SLC24A2: variants seen among roughly 807,000 people sequenced by gnomAD.
SLC24A2 encodes the protein solute carrier family 24 member 2.
A neutral mutation model predicts 62.0 loss-of-function variants in SLC24A2; 36 were observed. The observed-to-expected ratio is 0.58, with a 90% CI of 0.44 to 0.77. SLC24A2 has a LOEUF of 0.77. Among genes scored for constraint, SLC24A2 ranks in the 30% least tolerant of loss-of-function variants. The pLI is 0.00. For synonymous variants in SLC24A2, 358 were observed against 294.0 expected (o/e 1.22, Z -2.23); for missense variants, 846 against 817.9 (o/e 1.03, Z -0.42).
At chr9:19,838,560 A>G in the SLC24A2 span, among the ~76,000 whole-genome samples, 1 of 151,752 alleles carries the variant, frequency 6.6e-6, no homozygotes, top group Non-Finnish European at 1.5e-5. Flanking sequence ...AATTGCTTGA[A>G]CTTGGGAGGC....
chr9:20,001,669 A>G, the SLC24A2 span, among the ~76,000 whole-genome samples: 1 of 152,100 alleles, frequency 6.6e-6, no homozygotes, highest in African/African-American at 2.4e-5. Flanking sequence ...TTGCCACATC[A>G]CCAAAGAGGT....
chr9:20,160,356 A>G, the SLC24A2 span, among the ~76,000 whole-genome samples: 1 of 151,468 alleles, frequency 6.6e-6, no homozygotes, highest in African/African-American at 2.4e-5. Flanking sequence ...AGACTTTAAC[A>G]TACTACTCTC....
At chr9:19,564,794 G>A (rs1003010993) in intron 7 of SLC24A2, among the ~76,000 whole-genome samples, 4 of 152,166 alleles carry the variant, frequency 2.6e-5, no homozygotes, top group African/African-American at 7.2e-5. Context: ...TAAGGAATTT[G>A]CAAGTCTCTC....
the SLC24A2 span, among the ~76,000 whole-genome samples, chr9:20,188,409 T>C: frequency 9.9e-5 from 15 of 152,262 alleles, no homozygotes; most frequent in East Asian, 1.7e-3. Context: ...TTAGGGATCA[T>C]TGCAGGAGCC....
the SLC24A2 span, among the ~76,000 whole-genome samples, chr9:20,090,169 G>T: frequency 6.6e-6 from 1 of 151,994 alleles, no homozygotes; most frequent in East Asian, 1.9e-4. Context: ...TACCAGGGAG[G>T]GAACCCCTGG....
intron 4 of SLC24A2, among the ~76,000 whole-genome samples, chr9:19,617,991 T>C (rs1817813216): frequency 6.6e-6 from 1 of 152,208 alleles, no homozygotes; most frequent in African/African-American, 2.4e-5. Flanking sequence ...GAGCAGTAGA[T>C]ACATTTGAGA....
At chr9:20,091,075 G>T in the SLC24A2 span, among the ~76,000 whole-genome samples, 1 of 151,268 alleles carries the variant, frequency 6.6e-6, no homozygotes, top group Admixed American at 6.6e-5. Flanking sequence ...AATATTAATA[G>T]CAGGATAGAC....
At chr9:20,049,822 G>C in the SLC24A2 span, among the ~76,000 whole-genome samples, 37,622 of 151,940 alleles carry the variant, frequency 0.25, 4,916 homozygotes, top group Middle Eastern at 0.33. Context: ...GTAGAAGCTA[G>C]AAACGCACTG....
chr9:19,820,599 G>C, the SLC24A2 span, among the ~76,000 whole-genome samples: 1 of 151,694 alleles, frequency 6.6e-6, no homozygotes, highest in African/African-American at 2.4e-5. Flanking sequence ...ATTTGTAATA[G>C]AAAAACTTTA....
chr9:19,538,748 T>C (rs1834097915), intron 8 of SLC24A2, among the ~76,000 whole-genome samples: 1 of 133,010 alleles, frequency 7.5e-6, no homozygotes. Context: ...TCCCTCTTTT[T>C]CTATTGATTG....
chr9:20,281,236 T>C, the SLC24A2 span, among the ~76,000 whole-genome samples: 2 of 152,204 alleles, frequency 1.3e-5, no homozygotes, highest in African/African-American at 2.4e-5. Context: ...AGCCCAAGCA[T>C]GAAGTTTTTA....
intron 2 of SLC24A2, among the ~76,000 whole-genome samples, chr9:19,645,097 G>T (rs1818604984): frequency 1.3e-5 from 2 of 152,120 alleles, no homozygotes; most frequent in South Asian, 4.1e-4. Flanking sequence ...CTGGTGAAAA[G>T]AATGGTTTAA....
At chr9:19,918,860 C>T in the SLC24A2 span, among the ~76,000 whole-genome samples, 3 of 152,128 alleles carry the variant, frequency 2.0e-5, no homozygotes, top group African/African-American at 7.2e-5. Context: ...TAGGAAACCA[C>T]CAAACGCCTA....
the SLC24A2 span, among the ~76,000 whole-genome samples, chr9:20,276,959 T>C: frequency 6.6e-6 from 1 of 152,194 alleles, no homozygotes; most frequent in South Asian, 2.1e-4. Flanking sequence ...AAACCATTTT[T>C]TCCTCCTAGG....
intron 4 of SLC24A2, among the ~76,000 whole-genome samples, chr9:19,610,329 G>A (rs1414973215): frequency 6.6e-6 from 1 of 152,134 alleles, no homozygotes; most frequent in Non-Finnish European, 1.5e-5. Flanking sequence ...TGAGGTGGAT[G>A]TTATTTTACA....
chr9:19,859,580 A>G, the SLC24A2 span, among the ~76,000 whole-genome samples: 4 of 152,356 alleles, frequency 2.6e-5, no homozygotes, highest in African/African-American at 9.6e-5. Flanking sequence ...CCCTGCAAGC[A>G]CACCAAATAA....
At chr9:20,014,189 C>G in the SLC24A2 span, among the ~76,000 whole-genome samples, 1 of 151,984 alleles carries the variant, frequency 6.6e-6, no homozygotes, top group Non-Finnish European at 1.5e-5. Context: ...GCCTGGGTGA[C>G]AGAGCAAGAC....
chr9:20,222,867 A>G, the SLC24A2 span, among the ~76,000 whole-genome samples: 1 of 152,144 alleles, frequency 6.6e-6, no homozygotes, highest in Non-Finnish European at 1.5e-5. Flanking sequence ...ATCTTAATAA[A>G]GCATTTCACC....
At chr9:19,565,070 T>TCTCA (rs1563969811) in intron 7 of SLC24A2, among the ~76,000 whole-genome samples, 1 of 152,072 alleles carries the variant, frequency 6.6e-6, no homozygotes, top group Non-Finnish European at 1.5e-5. Flanking sequence ...GGATGTCTTC[T>TCTCA]CTCACCACTC....
Sources: allele counts gnomAD v4.1 joint callset (sites outside exome capture counted in the v4.1 genomes callset), GRCh38; gene constraint gnomAD v4.1.1; transcripts MANE v1.5; gene names NCBI Gene and HGNC (gene_info 2026-07-23, HGNC 2026-07-21).